Variants in CEP63 observed in about 807,000 individuals in gnomAD.
The protein encoded by CEP63 is centrosomal protein of 63 kDa.
In CEP63, 84 loss-of-function variants were observed where a neutral mutation model predicts 89.1. The ratio of observed to expected loss-of-function variants is 0.94; its 90% CI spans 0.79 to 1.13. CEP63 has a LOEUF of 1.13. CEP63 is among the 50% of genes most tolerant of loss of function. CEP63 has a pLI of 0.00. For synonymous variants in CEP63, 267 were observed against 272.5 expected (o/e 0.98, Z 0.20); for missense variants, 838 against 813.3 (o/e 1.03, Z -0.37).
chr3:134,612,751 CTG>C, the CEP63 span, among the ~76,000 whole-genome samples: 9,629 of 125,308 alleles, frequency 0.077, 387 homozygotes, highest in Non-Finnish European at 0.097. Flanking sequence ...CACGCCGATG[CTG>C]TGTGTGTGTG....
At chr3:134,729,318 A>G in the CEP63 span, among the ~76,000 whole-genome samples, 1 of 152,224 alleles carries the variant, frequency 6.6e-6, no homozygotes, top group East Asian at 1.9e-4. Flanking sequence ...AAATACTTTT[A>G]TATTCTCCCT....
the CEP63 span, among the ~76,000 whole-genome samples, chr3:134,668,511 C>G: frequency 6.6e-6 from 1 of 152,080 alleles, no homozygotes; most frequent in Non-Finnish European, 1.5e-5. Flanking sequence ...ATTGAGCCCA[C>G]CTAGAGTGGA....
the CEP63 span, among the ~76,000 whole-genome samples, chr3:134,703,018 G>A: frequency 4.6e-5 from 7 of 152,278 alleles, no homozygotes; most frequent in South Asian, 2.1e-4. Context: ...ACATGTGGCC[G>A]AGTGCGGTCA....
chr3:134,715,179 T>C, the CEP63 span, among the ~76,000 whole-genome samples: 2 of 152,212 alleles, frequency 1.3e-5, no homozygotes, highest in African/African-American at 4.8e-5. Flanking sequence ...GATACTACTG[T>C]CCATCTCTCC....
At chr3:134,579,559 T>C (rs1007124492), downstream of CEP63, among the ~76,000 whole-genome samples, 1 of 152,250 alleles carries the variant, frequency 6.6e-6, no homozygotes, top group African/African-American at 2.4e-5. Flanking sequence ...TTTCATGTGC[T>C]TATTAGCTAT....
intron 10 of CEP63, among the ~76,000 whole-genome samples, chr3:134,549,468 T>A (rs1954329171): frequency 6.6e-6 from 1 of 152,190 alleles, no homozygotes; most frequent in African/African-American, 2.4e-5. Context: ...AGACATACAC[T>A]CTGTTGCTTG....
the CEP63 span, among the ~76,000 whole-genome samples, chr3:134,775,378 C>T: frequency 6.6e-6 from 1 of 152,120 alleles, no homozygotes; most frequent in East Asian, 1.9e-4. Context: ...GTTAGTGTCC[C>T]CTTCAGGTAA....
chr3:134,547,614 C>CTTTTTTTGTTTTTTTTTTTTTTTT (rs1953751201), intron 9 of CEP63, 142 bp downstream of exon 9: 1 of 224,274 alleles, frequency 4.5e-6, no homozygotes. Flanking sequence ...GTTCTTATTT[C>CTTTTTTTGTTTTTTTTTTTTTTTT]TTTTTTTTTT....
chr3:134,774,803 T>C, the CEP63 span, among the ~76,000 whole-genome samples: 1 of 152,194 alleles, frequency 6.6e-6, no homozygotes, highest in South Asian at 2.1e-4. Flanking sequence ...AGAATTCATA[T>C]ACCCTGCCCA....
chr3:134,651,078 G>C, the CEP63 span: 6 of 1,504,348 alleles, frequency 4.0e-6, no homozygotes, highest in Middle Eastern at 2.3e-4. Flanking sequence ...GGAAGAGGGC[G>C]CTCCCCCGCC....
the CEP63 span, among the ~76,000 whole-genome samples, chr3:134,732,542 A>C: frequency 1.3e-5 from 2 of 152,178 alleles, no homozygotes; most frequent in Non-Finnish European, 2.9e-5. Context: ...GCAAGAAGAA[A>C]TACATTTGAA....
At chr3:134,703,496 G>A in the CEP63 span, among the ~76,000 whole-genome samples, 1 of 152,178 alleles carries the variant, frequency 6.6e-6, no homozygotes, top group Admixed American at 6.5e-5. Context: ...GGAGCTGGAG[G>A]CCATTATCCT....
intron 2 of CEP63, among the ~76,000 whole-genome samples, chr3:134,497,757 TGA>T (rs1407867599): frequency 6.6e-6 from 1 of 152,052 alleles, no homozygotes; most frequent in Non-Finnish European, 1.5e-5. Flanking sequence ...TTTAATATGG[TGA>T]GAGATAGGGG....
chr3:134,591,464 G>A (rs1958594073), downstream of CEP63, among the ~76,000 whole-genome samples: 1 of 152,192 alleles, frequency 6.6e-6, no homozygotes, highest in Non-Finnish European at 1.5e-5. Context: ...TGGTGACAGT[G>A]TTTGCTGTTG....
At chr3:134,527,822 G>T (rs913016042) in intron 3 of CEP63, among the ~76,000 whole-genome samples, 1 of 152,188 alleles carries the variant, frequency 6.6e-6, no homozygotes, top group Non-Finnish European at 1.5e-5. Context: ...AGGCCAAGGG[G>T]TGGTCAGATG....
chr3:134,736,421 A>G, the CEP63 span, among the ~76,000 whole-genome samples: 1 of 152,198 alleles, frequency 6.6e-6, no homozygotes, highest in African/African-American at 2.4e-5. Context: ...TGAGAGTTAT[A>G]TAATTATCTA....
chr3:134,729,109 TTTAA>T, the CEP63 span, among the ~76,000 whole-genome samples: 1 of 152,190 alleles, frequency 6.6e-6, no homozygotes, highest in Non-Finnish European at 1.5e-5. Context: ...ATGTTCAACT[TTTAA>T]TTTTTATAAT....
the CEP63 span, among the ~76,000 whole-genome samples, chr3:134,715,381 TCTA>T: frequency 0.036 from 5,440 of 152,116 alleles, 333 homozygotes; most frequent in African/African-American, 0.12. Flanking sequence ...TTGCACAACT[TCTA>T]CTGGTTCCTG....
chr3:134,677,909 G>A, the CEP63 span, among the ~76,000 whole-genome samples: 2 of 151,524 alleles, frequency 1.3e-5, no homozygotes, highest in African/African-American at 2.4e-5. Context: ...CTCTCTCCAC[G>A]TCCCTATCAC....
Sources: gnomAD v4.1 joint callset for allele counts (sites outside exome capture counted in the v4.1 genomes callset) on GRCh38, gnomAD v4.1.1 for gene constraint, MANE v1.5 for transcripts, NCBI Gene and HGNC (gene_info 2026-07-23, HGNC 2026-07-21) for gene names.